Variants in HSPA12A observed in about 807,000 individuals in gnomAD.
The protein encoded by HSPA12A is heat shock 70 kDa protein 12A.
A neutral mutation model predicts 69.2 loss-of-function variants in HSPA12A; 28 were observed. That is an observed-to-expected ratio of 0.40 (90% confidence interval 0.30 to 0.55). The LOEUF (loss-of-function observed/expected upper bound fraction) is 0.55. HSPA12A is among the 20% of genes least tolerant of loss of function. HSPA12A has a pLI of 0.38. For missense variants in HSPA12A, 686 were observed against 900.7 expected, an observed-to-expected ratio of 0.76 and a Z score of 3.05; for synonymous variants, 345 against 370.5, an observed-to-expected ratio of 0.93 and a Z score of 0.79.
chr10:116,847,071 G>A (rs747657085), intron 1 of HSPA12A, among the ~76,000 whole-genome samples: 3 of 152,096 alleles, frequency 2.0e-5, no homozygotes, highest in Non-Finnish European at 4.4e-5. Context: ...AGGATCTTCA[G>A]TCCTCCCTTT....
At chr10:116,793,583 C>A (rs1844747570) in intron 2 of HSPA12A, among the ~76,000 whole-genome samples, 1 of 9,082 alleles carries the variant, frequency 1.1e-4, no homozygotes, top group African/African-American at 1.2e-4. Flanking sequence ...CTGAAAACAA[C>A]AAACAAACAA....
At chr10:116,730,516 G>C (rs1417268991) in intron 1 of HSPA12A, among the ~76,000 whole-genome samples, 1 of 152,228 alleles carries the variant, frequency 6.6e-6, no homozygotes, top group Non-Finnish European at 1.5e-5. Flanking sequence ...AAATGACTTG[G>C]CTGAGGCCAC....
chr10:116,776,463 C>G (rs1554891164), intron 2 of HSPA12A, among the ~76,000 whole-genome samples: 1 of 152,214 alleles, frequency 6.6e-6, no homozygotes, highest in Non-Finnish European at 1.5e-5. Flanking sequence ...TCAAAATCAG[C>G]CGGGATTGAT....
At chr10:116,774,350 G>A (rs145574969) in intron 2 of HSPA12A, among the ~76,000 whole-genome samples, 2 of 152,292 alleles carry the variant, frequency 1.3e-5, no homozygotes, top group East Asian at 1.9e-4. Flanking sequence ...AGCACTCTGC[G>A]AGGGTCCCAG....
intron 2 of HSPA12A, chr10:116,830,869 G>C (rs1327165412): frequency 1.3e-5 from 2 of 152,356 alleles, no homozygotes; most frequent in African/African-American, 4.8e-5. Flanking sequence ...TATATAAAGA[G>C]CAAGAGGGGC....
chr10:116,766,116 C>G (rs1844072940), intron 2 of HSPA12A, among the ~76,000 whole-genome samples: 1 of 152,210 alleles, frequency 6.6e-6, no homozygotes, highest in African/African-American at 2.4e-5. Flanking sequence ...CCCTCTCCTC[C>G]CTTGTCCACC....
intron 4 of HSPA12A, 80 bp from the exon 5 acceptor site, chr10:116,698,819 G>A (rs572878133): frequency 8.4e-6 from 9 of 1,066,488 alleles, no homozygotes; most frequent in South Asian, 6.6e-5. Flanking sequence ...TGCTCCAAGG[G>A]GACCTAGAGG....
chr10:116,739,587 C>T (rs1311282473), intron 1 of HSPA12A, among the ~76,000 whole-genome samples: 2 of 152,000 alleles, frequency 1.3e-5, no homozygotes, highest in African/African-American at 2.4e-5. Context: ...CATCCCTGTC[C>T]GAACCACTCT....
At chr10:116,835,144 A>C (rs1027750070) in intron 1 of HSPA12A, 1 of 479,218 alleles carries the variant, frequency 2.1e-6, no homozygotes, top group Admixed American at 4.8e-5. Flanking sequence ...GGAGGGAAGC[A>C]AAGATTTAGG....
At chr10:116,725,903 G>A (rs942643157) in intron 1 of HSPA12A, among the ~76,000 whole-genome samples, 21 of 151,976 alleles carry the variant, frequency 1.4e-4, no homozygotes, top group African/African-American at 4.1e-4. Context: ...GCATGCTTGC[G>A]TGCTATCTTA....
chr10:116,844,350 T>G (rs1170567554), intron 1 of HSPA12A, among the ~76,000 whole-genome samples: 1 of 152,256 alleles, frequency 6.6e-6, no homozygotes, highest in Non-Finnish European at 1.5e-5. Flanking sequence ...TAATGACTAC[T>G]GCCAGCAGAC....
At chr10:116,685,971 A>G (rs1849566344) in intron 6 of HSPA12A, among the ~76,000 whole-genome samples, 1 of 152,010 alleles carries the variant, frequency 6.6e-6, no homozygotes, top group East Asian at 1.9e-4. Context: ...ACGGCCAACC[A>G]CCCGGGCAGC....
chr10:116,681,334 T>A, intron 8 of HSPA12A, 78 bp from the exon 9 acceptor site: 1 of 1,133,014 alleles, frequency 8.8e-7, no homozygotes, highest in Non-Finnish European at 1.3e-6. Context: ...GGTAACTAGG[T>A]AGACCCAGCT....
chr10:116,722,487 G>A (rs1218512404), intron 1 of HSPA12A, among the ~76,000 whole-genome samples: 1 of 152,150 alleles, frequency 6.6e-6, no homozygotes, highest in Non-Finnish European at 1.5e-5. Context: ...AGGACATTCT[G>A]GGTTAATGAA....
At chr10:116,804,115 T>TTCCC (rs1845017310) in intron 2 of HSPA12A, among the ~76,000 whole-genome samples, 1 of 152,154 alleles carries the variant, frequency 6.6e-6, no homozygotes, top group African/African-American at 2.4e-5. Context: ...TAGCCTTTGC[T>TTCCC]TCCCTCCCTC....
At chr10:116,779,796 G>A (rs1554891573) in intron 2 of HSPA12A, among the ~76,000 whole-genome samples, 2 of 152,090 alleles carry the variant, frequency 1.3e-5, no homozygotes, top group African/African-American at 2.4e-5. Flanking sequence ...AACAGGGTGG[G>A]TGTGTGTAAA....
At chr10:116,722,616 G>C (rs1554884528) in intron 1 of HSPA12A, among the ~76,000 whole-genome samples, 1 of 152,120 alleles carries the variant, frequency 6.6e-6, no homozygotes. Flanking sequence ...CACTCGGTGT[G>C]CCTGTCCTGA....
chr10:116,811,831 T>A (rs1845193553), intron 2 of HSPA12A, among the ~76,000 whole-genome samples: 2 of 152,180 alleles, frequency 1.3e-5, no homozygotes, highest in Non-Finnish European at 2.9e-5. Flanking sequence ...GGTGTTTACA[T>A]GTCTTAAAAC....
chr10:116,735,149 G>A (rs1384508337), intron 1 of HSPA12A, among the ~76,000 whole-genome samples: 1 of 152,174 alleles, frequency 6.6e-6, no homozygotes, highest in East Asian at 1.9e-4. Flanking sequence ...ACAAATAATT[G>A]TAAGTGTCAG....
Sources: gnomAD v4.1 joint callset for allele counts (sites outside exome capture counted in the v4.1 genomes callset) on GRCh38, gnomAD v4.1.1 for gene constraint, MANE v1.5 for transcripts, NCBI Gene and HGNC (gene_info 2026-07-23, HGNC 2026-07-21) for gene names.